ZFPM1: variants seen among roughly 807,000 people sequenced by gnomAD.
ZFPM1 encodes the protein zinc finger protein, FOG family member 1.
Under a neutral mutation model 46.3 loss-of-function variants are expected in ZFPM1, and 28 were observed. The observed-to-expected ratio is 0.60, with a 90% confidence interval of 0.45 to 0.83. The LOEUF is 0.83. ZFPM1 is among the 40% of genes least tolerant of loss of function. The pLI is 0.00. For missense variants in ZFPM1, 1,878 were observed against 1,432.4 expected (o/e 1.31, Z -5.02); for synonymous variants, 957 against 675.9 (o/e 1.42, Z -6.45).
intron 4 of ZFPM1, among the ~76,000 whole-genome samples, chr16:88,525,975 G>A (rs992249890): frequency 6.6e-6 from 1 of 152,248 alleles, no homozygotes; most frequent in Non-Finnish European, 1.5e-5. Context: ...CATGAGCTCT[G>A]TCCCTCCCCT....
At chr16:88,488,135 C>T (rs1454759227) in intron 2 of ZFPM1, among the ~76,000 whole-genome samples, 4 of 152,344 alleles carry the variant, frequency 2.6e-5, no homozygotes, top group East Asian at 1.9e-4. Flanking sequence ...GCTGTCACCG[C>T]CGCCAGCCTT....
At chr16:88,512,587 A>C (rs1328696470) in intron 3 of ZFPM1, among the ~76,000 whole-genome samples, 1 of 149,134 alleles carries the variant, frequency 6.7e-6, no homozygotes, top group Admixed American at 6.6e-5. Context: ...AGAGGCCTGC[A>C]TGCAGGGCCC....
rs1289025327 is a variant in ZFPM1 at position 88,534,125 on chromosome 16, C to T, written c.2167C>T (p.Pro723Ser). ...PPRRPAAPPG[P>S]PGPAAPPAPS... The stretch of plus-strand genomic sequence containing the variant: ...GCGCCGACCGGCCGCGCCCCCGGGA[C>T]CCCCTGGGCCGGCCGCGCCCCCGGC... The change falls in exon 10 of 10, where the codon CCC becomes TCC. Residue 723 changes from proline (P) to serine (S), a missense_variant. Physicochemically the swap from Pro to Ser is moderately conservative, Grantham distance 74 (BLOSUM62 -1). Coordinates refer to ENST00000319555, the MANE Select transcript of ZFPM1 (RefSeq NM_153813.3). 32 of 1,017,542 alleles carry T rather than the reference C, an allele frequency of 3.1e-5. No homozygotes were observed. Among genetic ancestry groups the T allele is most frequent in the Non-Finnish European group, 3.6e-5 (31 of 849,422 alleles). 63.0% of individuals were successfully genotyped at this position (1,017,542 alleles called of 1,614,324 possible).
At chr16:88,474,692 G>T (rs536315735) in intron 1 of ZFPM1, among the ~76,000 whole-genome samples, 1 of 152,184 alleles carries the variant, frequency 6.6e-6, no homozygotes, top group Non-Finnish European at 1.5e-5. Flanking sequence ...CAGCCCCCAC[G>T]CCAGCCCGCT....
chr16:88,510,565 T>C (rs1910900453), intron 3 of ZFPM1, among the ~76,000 whole-genome samples: 1 of 152,204 alleles, frequency 6.6e-6, no homozygotes, highest in Admixed American at 6.5e-5. Context: ...TGTGCAGTCT[T>C]GTTTGCCTGA....
Position 88,501,464 on chromosome 16 carries a change from T to TGG in ZFPM1, c.268+12311_268+12312insGG, listed in dbSNP as rs1910308020. On this transcript the variant is annotated intron_variant, in intron 3 of 9. Coordinates refer to ENST00000319555, the MANE Select transcript of ZFPM1 (RefSeq NM_153813.3). ...GCCATCCCGCAGGTGCTGGTGATGATAGAGATAGCAGACATGGGTGCGTGG... is the reference window on the plus strand; with the variant it reads ...GCCATCCCGCAGGTGCTGGTGATGATGGAGAGATAGCAGACATGGGTGCGTGG... 3.2e-5 allele frequency among the ~76,000 whole-genome samples: 4 copies of TGG among 125,646 alleles called. 1 individual carries two copies. Among genetic ancestry groups the TGG allele is most frequent in the African/African-American group, 1.3e-4 (4 of 31,500 alleles). 82.4% of individuals were successfully genotyped at this position (125,646 alleles called of 152,430 possible). A position where few individuals can be genotyped will look rare whatever the true frequency, so the allele number is the denominator to read the frequency against.
At position 88,534,121 on chromosome 16, in the gene ZFPM1, G is replaced by T; in HGVS notation, c.2163G>T (p.Pro721=). 1 of 1,100,324 alleles carries T rather than the reference G, an allele frequency of 9.1e-7. No homozygotes were observed. Among genetic ancestry groups the T allele is most frequent in the South Asian group, 2.1e-5 (1 of 47,156 alleles). 68.2% of individuals were successfully genotyped at this position (1,100,324 alleles called of 1,614,324 possible). ...DPPPRRPAAP[P]GPPGPAAPPA... The stretch of plus-strand genomic sequence containing the variant: ...CGCCGCGCCGACCGGCCGCGCCCCC[G>T]GGACCCCCTGGGCCGGCCGCGCCCC... Residue 721 remains proline (P), a synonymous_variant, in exon 10 of 10, where the codon CCG becomes CCT. Coordinates refer to ENST00000319555, the MANE Select transcript of ZFPM1 (RefSeq NM_153813.3).
chr16:88,483,441 C>T lies in ZFPM1; in HGVS notation c.41-2498C>T, dbSNP rs116273281. 4.2e-3 allele frequency among the ~76,000 whole-genome samples: 635 copies of T among 152,356 alleles called. 5 individuals are homozygous for T. Among genetic ancestry groups the T allele is most frequent in the African/African-American group, 0.015 (619 of 41,572 alleles). On this transcript the variant is annotated intron_variant, in intron 1 of 9. Transcript: ENST00000319555. ...CCCCTTCCTCCACCACCTCTGGCCC[C>T]GCCCCAGGGCCTTTGCACATATGGC... is the stretch of plus-strand genomic sequence containing the variant.
In ZFPM1 at chr16:88,536,635, C is replaced by G. The variant is rs752538784; in HGVS notation, c.*1656C>G. 2 of 152,352 alleles carry G rather than the reference C, an allele frequency of 1.3e-5. No individual in the cohort carries two copies. Among genetic ancestry groups the G allele is most frequent in the African/African-American group, 2.4e-5 (1 of 41,460 alleles). The allele number at this position is 152,352 out of a possible 1,614,324, so 9.4% of individuals were successfully genotyped here. A position where few individuals can be genotyped will look rare whatever the true frequency, so the allele number is the denominator to read the frequency against. On this transcript the variant is annotated 3_prime_UTR_variant, in exon 10 of 10. Coordinates refer to ENST00000319555, the MANE Select transcript of ZFPM1 (RefSeq NM_153813.3). ...CTGCCCGCAGCTCGTGGGCCTGGGT[C>G]TGCAGCGCTTTCAGTGGTCTCTGAT...
rs1413949296 is a variant in ZFPM1 at position 88,533,662 on chromosome 16, G to C, written c.1704G>C (p.Gly568=). The change falls in exon 10 of 10, where the codon GGG becomes GGC. Residue 568 remains glycine (G), a synonymous_variant. Transcript: ENST00000319555. ...CGGGCGCCGGCGGCGCGCAGACCGG[G>C]CTCTTCCCCGGGGCCCCCAAGGGCG... ...AGAGAGGAQT[G]LFPGAPKGAT... 1 of 1,480,650 alleles carries C rather than the reference G, an allele frequency of 6.8e-7. No individual in the cohort carries two copies. The allele number at this position is 1,480,650 out of a possible 1,614,324, so 91.7% of individuals were successfully genotyped here.
intron 6 of ZFPM1, among the ~76,000 whole-genome samples, chr16:88,531,712 A>C (rs1597288515): frequency 6.6e-6 from 1 of 152,194 alleles, no homozygotes; most frequent in African/African-American, 2.4e-5. Flanking sequence ...TTCTGCCCCC[A>C]TGAGGCCAAA....
chr16:88,530,904 C>G (rs1028641315), intron 6 of ZFPM1: 1 of 152,284 alleles, frequency 6.6e-6, no homozygotes, highest in African/African-American at 2.4e-5. Flanking sequence ...GTTAGAACAG[C>G]GAGGTGGAGG....
At chr16:88,528,330 C>T (rs970447818) in intron 6 of ZFPM1, 92 bp downstream of exon 6, 21 of 1,369,280 alleles carry the variant, frequency 1.5e-5, no homozygotes, top group Admixed American at 9.6e-5. Flanking sequence ...GTGGGAAGCT[C>T]GGGGGCTGCA....
At position 88,534,166 on chromosome 16, in the gene ZFPM1, G is replaced by A; in HGVS notation, c.2208G>A (p.Ala736=). 1.0e-6 allele frequency: 1 copy of A among 988,708 alleles called. No individual in the cohort carries two copies. Among genetic ancestry groups the A allele is most frequent in the Non-Finnish European group, 1.2e-6 (1 of 837,956 alleles). The allele number at this position is 988,708 out of a possible 1,614,324, so 61.2% of individuals were successfully genotyped here. The change falls in exon 10 of 10, where the codon GCG becomes GCA. Residue 736 remains alanine (A), a synonymous_variant. Transcript: ENST00000319555. ...PAAPPAPSPA[A]PVRTRRRRKL... is the part of the protein sequence containing the mutation. ...CGCCCCCGGCCCCCTCTCCCGCCGC[G>A]CCTGTGCGCACGCGCAGACGCCGCA...
At chr16:88,519,293 A>ACGGATGGG (rs1555527590) in intron 4 of ZFPM1, among the ~76,000 whole-genome samples, 9 of 145,278 alleles carry the variant, frequency 6.2e-5, no homozygotes, top group African/African-American at 2.4e-4. Flanking sequence ...GGATGGATGG[A>ACGGATGGG]TGGGTGGGTG....
intron 1 of ZFPM1, among the ~76,000 whole-genome samples, chr16:88,463,876 C>A (rs1908009779): frequency 6.6e-6 from 1 of 152,238 alleles, no homozygotes; most frequent in Non-Finnish European, 1.5e-5. Flanking sequence ...AGTCCCTTCC[C>A]TGCTCTGGGC....
intron 3 of ZFPM1, among the ~76,000 whole-genome samples, chr16:88,499,905 G>T (rs182637263): frequency 6.6e-6 from 1 of 152,174 alleles, no homozygotes; most frequent in Admixed American, 6.5e-5. Flanking sequence ...AGCAGAGGGT[G>T]AGCGGACAGT....
chr16:88,492,996 G>A (rs570413629), intron 3 of ZFPM1, among the ~76,000 whole-genome samples: 9 of 152,088 alleles, frequency 5.9e-5, no homozygotes, highest in African/African-American at 2.2e-4. Context: ...GCTGTCCCAG[G>A]GTGTGGGGAG....
chr16:88,461,416 T>C (rs953905202), intron 1 of ZFPM1, among the ~76,000 whole-genome samples: 4 of 152,130 alleles, frequency 2.6e-5, no homozygotes, highest in African/African-American at 9.6e-5. Context: ...GAGAGGGAGG[T>C]GACCAGTCTG....
Sources: gnomAD v4.1 joint callset for allele counts (sites outside exome capture counted in the v4.1 genomes callset) on GRCh38, gnomAD v4.1.1 for gene constraint, MANE v1.5 for transcripts, NCBI Gene and HGNC (gene_info 2026-07-23, HGNC 2026-07-21) for gene names.